The following SMYD3 variants were observed in gnomAD, a reference collection of about 807,000 sequenced individuals.
The protein encoded by SMYD3 is histone-lysine N-methyltransferase SMYD3.
In SMYD3, 36 loss-of-function variants were observed where a neutral mutation model predicts 57.7. That is an observed-to-expected ratio of 0.62 (90% CI 0.48 to 0.82). SMYD3 has a LOEUF of 0.82. Among genes scored for constraint, SMYD3 ranks in the 40% least tolerant of loss-of-function variants. The pLI is 0.00. For missense variants in SMYD3, 515 were observed against 538.8 expected, an observed-to-expected ratio of 0.96 and a Z score of 0.44; for synonymous variants, 211 against 195.0, an observed-to-expected ratio of 1.08 and a Z score of -0.68.
chr1:246,371,156 T>A (rs2027370), intron 1 of SMYD3, among the ~76,000 whole-genome samples: 149,992 of 152,322 alleles, frequency 0.98, 73,857 homozygotes, highest in East Asian at 1. Flanking sequence ...TTATGTTTTA[T>A]AACAACACGG....
At chr1:246,117,446 A>T (rs11591208) in intron 5 of SMYD3, among the ~76,000 whole-genome samples, 71,250 of 151,682 alleles carry the variant, frequency 0.47, 20,633 homozygotes, top group Non-Finnish European at 0.65. Context: ...GGTTTCGCAG[A>T]ATAAACAAAT....
intron 5 of SMYD3, among the ~76,000 whole-genome samples, chr1:246,309,961 C>G (rs1222019276): frequency 6.6e-6 from 1 of 152,006 alleles, no homozygotes; most frequent in Non-Finnish European, 1.5e-5. Flanking sequence ...TAAGACAGAG[C>G]AATGAGCTTG....
chr1:245,917,149 A>C (rs1403354390), intron 7 of SMYD3, among the ~76,000 whole-genome samples: 1 of 151,790 alleles, frequency 6.6e-6, no homozygotes, highest in Non-Finnish European at 1.5e-5. Context: ...CCCACCCCTC[A>C]GCTTCCCAGG....
chr1:245,752,943 T>C (rs2045452495), intron 11 of SMYD3, among the ~76,000 whole-genome samples: 1 of 152,176 alleles, frequency 6.6e-6, no homozygotes, highest in East Asian at 1.9e-4. Flanking sequence ...CATGACTGCA[T>C]TGTGCAGCCT....
intron 1 of SMYD3, among the ~76,000 whole-genome samples, chr1:246,445,304 T>G (rs1402716333): frequency 3.3e-5 from 5 of 152,172 alleles, no homozygotes; most frequent in Non-Finnish European, 5.9e-5. Context: ...TGCCCATTTT[T>G]GCCAGCAGTT....
chr1:246,236,265 A>G (rs2063510740), intron 5 of SMYD3, among the ~76,000 whole-genome samples: 1 of 152,144 alleles, frequency 6.6e-6, no homozygotes, highest in Non-Finnish European at 1.5e-5. Context: ...GGGTCTCACA[A>G]TGTTGCCGAG....
intron 5 of SMYD3, among the ~76,000 whole-genome samples, chr1:246,103,638 G>T (rs909178024): frequency 6.6e-6 from 1 of 151,974 alleles, no homozygotes; most frequent in Admixed American, 6.6e-5. Context: ...TCCCCTTCTA[G>T]TCTCTCCCTT....
At chr1:246,154,170 G>A (rs980557732) in intron 5 of SMYD3, among the ~76,000 whole-genome samples, 2 of 152,134 alleles carry the variant, frequency 1.3e-5, no homozygotes, top group East Asian at 1.9e-4. Flanking sequence ...TTCACTGAAC[G>A]AATCAATGGA....
Position 246,355,511 on chromosome 1 carries a change from C to CT in SMYD3, c.165-418dup, listed in dbSNP as rs1436675320. ...GAGACTCTGAAAAGATGTGAGCTGC[C>CT]TGCTTGCTCAGCAGGGAGGCTGGCG... On this transcript the variant is annotated intron_variant, in intron 1 of 11. Transcript: ENST00000490107. The surrounding 1 kb of genome is among the most constrained non-coding windows in gnomAD (Gnocchi z 5.0). Among the ~76,000 whole-genome samples the CT allele has an allele frequency of 6.6e-6, 1 of 152,184 alleles. No individual in the cohort carries two copies. The highest frequency in any genetic ancestry group is 1.5e-5 in the Non-Finnish European group (1 of 68,030).
rs2062947498 is a variant in SMYD3, at chr1:246,203,200, A to G, written c.531+124001T>C. ...AGTTTCCTTCCCTGGTCCACAGCAA[A>G]TCCCTCTGACCCCAGGGCTTTGTTT... On this transcript the variant is annotated intron_variant, in intron 5 of 11. Coordinates refer to ENST00000490107, the MANE Select transcript of SMYD3 (RefSeq NM_001167740.2). This position sits in a 1 kb window ranked among gnomAD's most constrained non-coding sequence, Gnocchi z 4.6. Among the ~76,000 whole-genome samples the G allele has an allele frequency of 6.6e-6, 1 of 152,196 alleles. No individual in the cohort carries two copies. The highest frequency in any genetic ancestry group is 2.4e-5 in the African/African-American group (1 of 41,454).
intron 5 of SMYD3, among the ~76,000 whole-genome samples, chr1:246,022,890 A>G (rs2059497660): frequency 6.6e-6 from 1 of 152,066 alleles, no homozygotes; most frequent in Admixed American, 6.5e-5. Context: ...AGCAACCTTA[A>G]CTCTAGATTT....
intron 5 of SMYD3, among the ~76,000 whole-genome samples, chr1:246,073,222 T>A (rs1474194762): frequency 6.6e-6 from 1 of 152,182 alleles, no homozygotes. Flanking sequence ...TGTTGATGCT[T>A]GCAAAGAGAA....
intron 8 of SMYD3, among the ~76,000 whole-genome samples, chr1:245,905,076 C>T (rs1218157729): frequency 2.0e-5 from 3 of 151,908 alleles, no homozygotes; most frequent in South Asian, 2.1e-4. Flanking sequence ...CCTTGGGCCC[C>T]GAATAACCAG....
At chr1:245,771,970 G>A (rs923618934) in intron 10 of SMYD3, among the ~76,000 whole-genome samples, 1 of 152,148 alleles carries the variant, frequency 6.6e-6, no homozygotes, top group Non-Finnish European at 1.5e-5. Flanking sequence ...TGCTACTCTG[G>A]AGAGGTGCTG....
chr1:246,495,039 T>C (rs1157911241), intron 1 of SMYD3, among the ~76,000 whole-genome samples: 1 of 152,106 alleles, frequency 6.6e-6, no homozygotes, highest in Non-Finnish European at 1.5e-5. Context: ...TCTATAATAA[T>C]CTGGGGAGTA....
At chr1:245,934,596 T>C (rs1403247544) in intron 5 of SMYD3, among the ~76,000 whole-genome samples, 1 of 151,982 alleles carries the variant, frequency 6.6e-6, no homozygotes, top group Admixed American at 6.6e-5. Context: ...GGGTTTGAAA[T>C]CTCCAAACCA....
chr1:246,213,327 C>A (rs2063117472), intron 5 of SMYD3, among the ~76,000 whole-genome samples: 1 of 152,116 alleles, frequency 6.6e-6, no homozygotes, highest in South Asian at 2.1e-4. Context: ...AAGGAGGAAA[C>A]TGAAGATTTG....
intron 5 of SMYD3, among the ~76,000 whole-genome samples, chr1:246,286,564 C>T (rs1370191932): frequency 6.6e-6 from 1 of 152,162 alleles, no homozygotes; most frequent in South Asian, 2.1e-4. Context: ...TCTACAGACT[C>T]CCTGAAGGTC....
chr1:246,234,057 A>G (rs2063472008), intron 5 of SMYD3, among the ~76,000 whole-genome samples: 1 of 140,162 alleles, frequency 7.1e-6, no homozygotes, highest in African/African-American at 2.6e-5. Context: ...CATATACCAC[A>G]CAGAGGAGAA....
Sources: gnomAD v4.1 joint callset for allele counts (sites outside exome capture counted in the v4.1 genomes callset) on GRCh38, gnomAD v4.1.1 for gene constraint, Gnocchi (gnomAD v3.1) non-coding constraint, MANE v1.5 for transcripts, NCBI Gene and HGNC (gene_info 2026-07-23, HGNC 2026-07-21) for gene names.